The following ZKSCAN1 variants were observed in gnomAD, a reference collection of about 807,000 sequenced individuals.
ZKSCAN1 encodes the protein zinc finger protein with KRAB and SCAN domains 1.
A neutral mutation model predicts 51.6 loss-of-function variants in ZKSCAN1; 14 were observed. That is an observed-to-expected ratio of 0.27 (90% CI 0.18 to 0.42). The LOEUF (loss-of-function observed/expected upper bound fraction) is 0.42, where lower values mean the gene tolerates loss of function less well. Ranked by LOEUF, ZKSCAN1 falls within the 10% of genes least tolerant of loss-of-function variation. The probability of loss-of-function intolerance (pLI) is 1.00; values close to 1 mark genes in which losing one functional copy is unlikely to be tolerated. For missense variants in ZKSCAN1, 531 were observed against 710.0 expected (o/e 0.75, Z 2.86); for synonymous variants, 263 against 261.5 (o/e 1.01, Z -0.06).
At chr7:100,021,466 G>C (rs1457591508) in intron 1 of ZKSCAN1, among the ~76,000 whole-genome samples, 1 of 151,878 alleles carries the variant, frequency 6.6e-6, no homozygotes, top group Non-Finnish European at 1.5e-5. Flanking sequence ...GGTTTTTCCT[G>C]GATACTTGAC....
intron 3 of ZKSCAN1, among the ~76,000 whole-genome samples, chr7:100,029,475 A>G (rs1030060147): frequency 6.6e-6 from 1 of 152,144 alleles, no homozygotes; most frequent in African/African-American, 2.4e-5. Context: ...ACTGGAGGAA[A>G]TTAGGAGCCA....
At chr7:100,017,411 C>G (rs1343784382) in intron 1 of ZKSCAN1, among the ~76,000 whole-genome samples, 3 of 152,122 alleles carry the variant, frequency 2.0e-5, no homozygotes, top group Non-Finnish European at 4.4e-5. Context: ...TTAGTAGAGA[C>G]AGAGTTTCGC....
At chr7:100,020,435 AG>A (rs1790544201) in intron 1 of ZKSCAN1, among the ~76,000 whole-genome samples, 1 of 152,136 alleles carries the variant, frequency 6.6e-6, no homozygotes, top group Non-Finnish European at 1.5e-5. Context: ...ATAATCTGAA[AG>A]GTGGATTGTG....
intron 3 of ZKSCAN1, among the ~76,000 whole-genome samples, chr7:100,027,174 G>A (rs1367021810): frequency 6.6e-6 from 1 of 151,988 alleles, no homozygotes; most frequent in South Asian, 2.1e-4. Flanking sequence ...GTGTACACCT[G>A]TAATCGCAGC....
Position 100,036,305 on chromosome 7 carries a change from T to A in ZKSCAN1, c.*2108T>A. ...AAAAACCCATTACTCCAGAAGAGTA[T>A]ATCTAAGTAACTAAAATGGAGGCAG... On this transcript the variant is annotated 3_prime_UTR_variant, in exon 6 of 6. Coordinates refer to ENST00000324306, the MANE Select transcript of ZKSCAN1 (RefSeq NM_003439.4). The A allele has an allele frequency of 1.0e-6, 1 of 985,444 alleles. No individual in the cohort carries two copies. The highest frequency in any genetic ancestry group is 1.2e-6 in the Non-Finnish European group (1 of 829,940). 61.0% of individuals were successfully genotyped at this position (985,444 alleles called of 1,614,324 possible).
chr7:100,028,985 A>T (rs1790973694), intron 3 of ZKSCAN1, among the ~76,000 whole-genome samples: 1 of 151,610 alleles, frequency 6.6e-6, no homozygotes, highest in African/African-American at 2.4e-5. Flanking sequence ...ACCAACATGG[A>T]GAAACCCCGC....
rs1378104005 is a variant in ZKSCAN1, at chr7:100,027,672, C to T, written c.581-2189C>T. On this transcript the variant is annotated intron_variant, in intron 3 of 5. Coordinates refer to ENST00000324306, the MANE Select transcript of ZKSCAN1 (RefSeq NM_003439.4). ...CTGAGGCAGGAGAATGGCGTGAACC[C>T]GGGAGGCGGAGCTTGCAGTGAGCCG... 4.8e-5 allele frequency among the ~76,000 whole-genome samples: 7 copies of T among 146,366 alleles called. No individual in the cohort carries two copies. The East Asian group carries it at 1.1e-3, about 23-fold the overall frequency.
At position 100,029,901 on chromosome 7, in the gene ZKSCAN1, T is replaced by C. The variant is rs370468611; in HGVS notation, c.621T>C (p.Gly207=). The C allele has an allele frequency of 5.0e-6, 8 of 1,614,082 alleles. No homozygotes were observed. The highest frequency in any genetic ancestry group is 2.7e-5 in the African/African-American group (2 of 75,002). Residue 207 remains glycine, a synonymous_variant, in exon 4 of 6, where the codon GGT becomes GGC. Transcript: ENST00000324306. The stretch of plus-strand genomic sequence containing the variant: ...ACATTCCTGCACCCCCTCATGAGGG[T>C]AGTCCCAGAGACCAGGCGATGGCAT... ...AAHIPAPPHE[G]SPRDQAMASA... is the part of the protein sequence containing the mutation.
intron 4 of ZKSCAN1, 140 bp from the exon 5 acceptor site, chr7:100,030,109 T>G: frequency 7.0e-7 from 1 of 1,428,454 alleles, no homozygotes; most frequent in Non-Finnish European, 9.6e-7. Flanking sequence ...CAAACTCCCC[T>G]CCACCCCCAG....
In ZKSCAN1 at chr7:100,039,012, TG is replaced by T. The variant is rs1791484753; in HGVS notation, c.*4821del. On this transcript the variant is annotated 3_prime_UTR_variant, in exon 6 of 6. Transcript: ENST00000324306. ...TCCATGTCAAAAAAAAAAAAAAGGT[TG>T]GGGGGAGGATAGGACTGGCCAGGCA... The T allele has an allele frequency of 7.3e-6, 1 of 137,228 alleles. No homozygotes were observed. The highest frequency in any genetic ancestry group is 1.5e-5 in the Non-Finnish European group (1 of 66,542). The allele number at this position is 137,228 out of a possible 1,614,324, so 8.5% of individuals were successfully genotyped here.
chr7:100,044,756 C>T, downstream of ZKSCAN1: 1 of 980,696 alleles, frequency 1.0e-6, no homozygotes, highest in Non-Finnish European at 1.2e-6. Context: ...ATTCCACTTT[C>T]ATTCTCTTTT....
At position 100,037,206 on chromosome 7, in the gene ZKSCAN1, G is replaced by A. The variant is rs541728783; in HGVS notation, c.*3009G>A. On this transcript the variant is annotated 3_prime_UTR_variant, in exon 6 of 6. Transcript: ENST00000324306. The stretch of plus-strand genomic sequence containing the variant: ...ATTCAAAAGTTCTTGGCCCGCTGAA[G>A]TCTGTTAACAGTTGAAACATTCTAC... The A allele has an allele frequency of 1.6e-3, 1,567 of 985,434 alleles. 2 individuals are homozygous for A. Among genetic ancestry groups the A allele is most frequent in the Non-Finnish European group, 1.8e-3 (1,481 of 829,932 alleles). 61.0% of individuals were successfully genotyped at this position (985,434 alleles called of 1,614,324 possible).
At chr7:100,029,332 T>C (rs1790998187) in intron 3 of ZKSCAN1, among the ~76,000 whole-genome samples, 1 of 152,056 alleles carries the variant, frequency 6.6e-6, no homozygotes, top group African/African-American at 2.4e-5. Flanking sequence ...TGATCATAGC[T>C]CACTGCAGCC....
chr7:100,044,734 T>G (rs1255283075), downstream of ZKSCAN1: 1 of 959,598 alleles, frequency 1.0e-6, no homozygotes, highest in Non-Finnish European at 1.2e-6. Context: ...TTTCATGAAG[T>G]TTAACTCCAC....
At chr7:100,018,275 A>T (rs1206618892) in intron 1 of ZKSCAN1, among the ~76,000 whole-genome samples, 1 of 152,204 alleles carries the variant, frequency 6.6e-6, no homozygotes, top group East Asian at 1.9e-4. Flanking sequence ...AATTCAGTCA[A>T]GTGTATTTTT....
chr7:100,017,231 T>C (rs1790406667), intron 1 of ZKSCAN1, among the ~76,000 whole-genome samples: 1 of 152,280 alleles, frequency 6.6e-6, no homozygotes, highest in Admixed American at 6.5e-5. Flanking sequence ...AAAAAAATTT[T>C]TTTTTTTTTG....
In ZKSCAN1 at chr7:100,038,100, TA is replaced by T. The variant is rs1791441254; in HGVS notation, c.*3910del. The T allele has an allele frequency of 1.0e-6, 1 of 985,384 alleles. No homozygotes were observed. The highest frequency in any genetic ancestry group is 1.7e-5 in the African/African-American group (1 of 57,356). The allele number at this position is 985,384 out of a possible 1,614,324, so 61.0% of individuals were successfully genotyped here. On this transcript the variant is annotated 3_prime_UTR_variant, in exon 6 of 6. Transcript: ENST00000324306. ...TGAAAAAAAATGTGGGGAAATGCTT[TA>T]AAAAAATAGCAAAATGTGCAACTTC...
chr7:100,041,059 G>C lies in ZKSCAN1; in HGVS notation c.*6862G>C, dbSNP rs145080716. The C allele has an allele frequency of 3.1e-6, 3 of 973,370 alleles. No homozygotes were observed. The highest frequency in any genetic ancestry group is 1.8e-5 in the African/African-American group (1 of 56,944). The allele number at this position is 973,370 out of a possible 1,614,324, so 60.3% of individuals were successfully genotyped here. On this transcript the variant is annotated 3_prime_UTR_variant, in exon 6 of 6. Transcript: ENST00000324306. ...TTTTATTAACTTTTAGTTAAATACAGATTTTACAACGAGGTCAGCATAAGC... is the reference window on the plus strand; with the variant it reads ...TTTTATTAACTTTTAGTTAAATACACATTTTACAACGAGGTCAGCATAAGC...
chr7:100,033,326 A>C lies in ZKSCAN1; in HGVS notation c.821A>C (p.Asn274Thr). 6.2e-7 allele frequency: 1 copy of C among 1,608,678 alleles called. No individual in the cohort carries two copies. Among genetic ancestry groups the C allele is most frequent in the Admixed American group, 1.7e-5 (1 of 58,582 alleles). The change falls in exon 6 of 6, where the codon AAC (asparagine) becomes ACC (threonine). Residue 274 changes from asparagine to threonine, a missense_variant. Coordinates refer to ENST00000324306, the MANE Select transcript of ZKSCAN1 (RefSeq NM_003439.4). The surrounding 1 kb of genome is among the most constrained non-coding windows in gnomAD (Gnocchi z 4.1). ...TCAGGTGGTGAAAACAGGAATGAGA[A>C]CGAGGAGTCAACCTCAAAGGCTGAA... ...FPQGGENRNENEESTSKAETS... is the reference protein window; with the variant it reads ...FPQGGENRNETEESTSKAETS...
Sources: allele counts gnomAD v4.1 joint callset (sites outside exome capture counted in the v4.1 genomes callset), GRCh38; gene constraint gnomAD v4.1.1; non-coding constraint Gnocchi (gnomAD v3.1); transcripts MANE v1.5; gene names NCBI Gene and HGNC (gene_info 2026-07-23, HGNC 2026-07-21).